The following DSCAM variants were observed in gnomAD, a reference collection of about 807,000 sequenced individuals.
DSCAM encodes the protein cell adhesion molecule DSCAM.
In DSCAM, 47 loss-of-function variants were observed where a neutral mutation model predicts 217.7. The observed-to-expected ratio is 0.22, with a 90% CI of 0.17 to 0.28. The LOEUF (loss-of-function observed/expected upper bound fraction) is 0.28. Among genes scored for constraint, DSCAM ranks in the 10% least tolerant of loss-of-function variants. The pLI, the probability that DSCAM is intolerant of heterozygous loss-of-function variation, is 1.00. For missense variants in DSCAM, 2,080 were observed against 2,618.3 expected, an observed-to-expected ratio of 0.79 and a Z score of 4.49; for synonymous variants, 1,056 against 1,015.3, an observed-to-expected ratio of 1.04 and a Z score of -0.76.
At position 40,778,979 on chromosome 21, in the gene DSCAM, G is replaced by A. The variant is rs575838654; in HGVS notation, c.43+67640C>T. ...GCAGAGGTTGCGGTGAGCTGACATC[G>A]TGCCATTGCACTCCAGCCTGGGCAA... On this transcript the variant is annotated intron_variant, in intron 1 of 32. Coordinates refer to ENST00000400454, the MANE Select transcript of DSCAM (RefSeq NM_001389.5). Among the ~76,000 whole-genome samples, 16 of 142,290 alleles carry A rather than the reference G, an allele frequency of 1.1e-4. No homozygotes were observed. In the South Asian group the frequency reaches 2.9e-3, roughly 26 times the overall value. 93.3% of individuals were successfully genotyped at this position (142,290 alleles called of 152,430 possible). A position where few individuals can be genotyped will look rare whatever the true frequency, so the allele number is the denominator to read the frequency against.
intron 3 of DSCAM, among the ~76,000 whole-genome samples, chr21:40,555,040 G>C (rs2076660180): frequency 6.6e-6 from 1 of 152,204 alleles, no homozygotes; most frequent in South Asian, 2.1e-4. Flanking sequence ...ATGAGTGAGT[G>C]AGTGAATGAA....
At chr21:40,201,445 A>G (rs1357840642) in intron 11 of DSCAM, among the ~76,000 whole-genome samples, 1 of 150,908 alleles carries the variant, frequency 6.6e-6, no homozygotes, top group African/African-American at 2.4e-5. Flanking sequence ...AAAGCTTCTT[A>G]TTTATTTATT....
intron 3 of DSCAM, among the ~76,000 whole-genome samples, chr21:40,415,108 CAT>C (rs1320735034): frequency 6.6e-6 from 1 of 152,112 alleles, no homozygotes; most frequent in East Asian, 1.9e-4. Context: ...ACGTTTTTCA[CAT>C]GTTAGGTACT....
rs73214147 is a variant in DSCAM, at chr21:40,543,725, C to T, written c.508+149085G>A. On this transcript the variant is annotated intron_variant, in intron 3 of 32. Coordinates refer to ENST00000400454, the MANE Select transcript of DSCAM (RefSeq NM_001389.5). ...AAAGGGATATCAAATTAGTACTTCT[C>T]ATGAGTCTCTGGTCACCTAGCCGCC... Among the ~76,000 whole-genome samples, 874 of 152,258 alleles carry T rather than the reference C, an allele frequency of 5.7e-3. 11 individuals are homozygous for T. Among genetic ancestry groups the T allele is most frequent in the Non-Finnish European group, 7.7e-3 (525 of 68,018 alleles).
intron 1 of DSCAM, among the ~76,000 whole-genome samples, chr21:40,731,331 T>G (rs556695549): frequency 6.6e-5 from 10 of 152,326 alleles, no homozygotes; most frequent in African/African-American, 2.4e-4. Flanking sequence ...GGACAGACAC[T>G]GCATGATCTC....
chr21:40,322,330 T>C (rs1408049235), intron 8 of DSCAM, among the ~76,000 whole-genome samples: 1 of 152,158 alleles, frequency 6.6e-6, no homozygotes, highest in Non-Finnish European at 1.5e-5. Context: ...CGCACAAGTA[T>C]TACCTGAATA....
chr21:40,710,331 T>C (rs1040544790), intron 1 of DSCAM, among the ~76,000 whole-genome samples: 1 of 152,232 alleles, frequency 6.6e-6, no homozygotes, highest in African/African-American at 2.4e-5. Context: ...ATGACTCAAC[T>C]CCACCAGCCT....
chr21:40,583,901 T>A (rs2076924049), intron 3 of DSCAM, among the ~76,000 whole-genome samples: 2 of 96,312 alleles, frequency 2.1e-5, no homozygotes, highest in Non-Finnish European at 2.2e-5. Flanking sequence ...AAAAATAAAG[T>A]CTATTAAAAA....
intron 11 of DSCAM, among the ~76,000 whole-genome samples, chr21:40,269,400 C>T (rs762397564): frequency 1.3e-5 from 2 of 152,156 alleles, no homozygotes; most frequent in Non-Finnish European, 2.9e-5. Context: ...TGATGGGTCC[C>T]GGCCAGGGCT....
chr21:40,700,320 T>C (rs1225383614), intron 2 of DSCAM, among the ~76,000 whole-genome samples: 2 of 152,244 alleles, frequency 1.3e-5, no homozygotes, highest in Admixed American at 6.5e-5. Context: ...TGATGTTCGC[T>C]ATAGCAGGAT....
At position 40,523,312 on chromosome 21, in the gene DSCAM, C is replaced by T. The variant is rs548053223; in HGVS notation, c.509-154067G>A. Reference sequence around the variant, plus strand: ...CCCAAGACCACCCTGGCCTGCCATGCCCCCATCCTGTGCCTATAAAAACCC... The same window carrying T: ...CCCAAGACCACCCTGGCCTGCCATGTCCCCATCCTGTGCCTATAAAAACCC... On this transcript the variant is annotated intron_variant, in intron 3 of 32. Coordinates refer to ENST00000400454, the MANE Select transcript of DSCAM (RefSeq NM_001389.5). Among the ~76,000 whole-genome samples the T allele has an allele frequency of 2.6e-5, 4 of 152,176 alleles. No individual in the cohort carries two copies. The South Asian group carries it at 6.2e-4, about 24-fold the overall frequency.
At position 40,219,335 on chromosome 21, in the gene DSCAM, A is replaced by T. The variant is rs190223396; in HGVS notation, c.2357-30097T>A. On this transcript the variant is annotated intron_variant, in intron 11 of 32. Coordinates refer to ENST00000400454, the MANE Select transcript of DSCAM (RefSeq NM_001389.5). ...TCCTGGAGATAAAGCCTACTTGATC[A>T]TGGTGGTCAAATCCTGCTTTTTAAA... is the stretch of plus-strand genomic sequence containing the variant. Among the ~76,000 whole-genome samples the T allele has an allele frequency of 2.0e-5, 3 of 152,296 alleles. No individual in the cohort carries two copies. The East Asian group carries it at 5.8e-4, about 29-fold the overall frequency.
At chr21:40,544,499 C>T (rs1187120679) in intron 3 of DSCAM, among the ~76,000 whole-genome samples, 1 of 152,150 alleles carries the variant, frequency 6.6e-6, no homozygotes, top group African/African-American at 2.4e-5. Context: ...AGAGGCCACA[C>T]AGAGACATAG....
chr21:40,270,637 T>G (rs1014618522), intron 11 of DSCAM, among the ~76,000 whole-genome samples: 10 of 152,110 alleles, frequency 6.6e-5, no homozygotes, highest in Admixed American at 2.0e-4. Flanking sequence ...TTAATTCCAG[T>G]GTTGGAAGAG....
intron 9 of DSCAM, among the ~76,000 whole-genome samples, chr21:40,310,434 T>A (rs1056113447): frequency 6.6e-6 from 1 of 152,262 alleles, no homozygotes; most frequent in African/African-American, 2.4e-5. Context: ...TCCTCTAGGC[T>A]GCATTATCTC....
At chr21:40,794,832 T>A (rs780391161) in intron 1 of DSCAM, among the ~76,000 whole-genome samples, 1 of 151,518 alleles carries the variant, frequency 6.6e-6, no homozygotes, top group South Asian at 2.1e-4. Context: ...CATAAACTTA[T>A]TGCCTGTCCA....
At chr21:40,770,537 T>C (rs994619556) in intron 1 of DSCAM, among the ~76,000 whole-genome samples, 3 of 152,246 alleles carry the variant, frequency 2.0e-5, no homozygotes, top group African/African-American at 7.2e-5. Flanking sequence ...TTGTCAAAAT[T>C]GCTGATAACG....
intron 3 of DSCAM, among the ~76,000 whole-genome samples, chr21:40,585,207 G>T (rs2076936026): frequency 6.9e-6 from 1 of 144,774 alleles, no homozygotes; most frequent in Non-Finnish European, 1.5e-5. Context: ...AACTTACCCA[G>T]TGTCAGGTAT....
At chr21:40,489,437 C>T (rs935523534) in intron 3 of DSCAM, among the ~76,000 whole-genome samples, 5 of 152,276 alleles carry the variant, frequency 3.3e-5, no homozygotes, top group Non-Finnish European at 7.4e-5. Flanking sequence ...ATTTATCAGC[C>T]TCCGTAATCA....
Sources: gnomAD v4.1 joint callset for allele counts (sites outside exome capture counted in the v4.1 genomes callset) on GRCh38, gnomAD v4.1.1 for gene constraint, MANE v1.5 for transcripts, NCBI Gene and HGNC (gene_info 2026-07-23, HGNC 2026-07-21) for gene names.